Variants in CECR2 observed in about 807,000 individuals in gnomAD.
CECR2 encodes the protein chromatin remodeling regulator CECR2.
A neutral mutation model predicts 154.5 loss-of-function variants in CECR2; 30 were observed. That is an observed-to-expected ratio of 0.19 (90% CI 0.15 to 0.26). CECR2 has a LOEUF of 0.26. Ranked by LOEUF, CECR2 falls within the 10% of genes least tolerant of loss-of-function variation. The pLI is 1.00. For synonymous variants in CECR2, 725 were observed against 683.7 expected, an observed-to-expected ratio of 1.06 and a Z score of -0.94; for missense variants, 1,743 against 1,829.3, an observed-to-expected ratio of 0.95 and a Z score of 0.86.
intron 1 of CECR2, among the ~76,000 whole-genome samples, chr22:17,471,769 A>C (rs1390948499): frequency 6.6e-6 from 1 of 152,080 alleles, no homozygotes; most frequent in Admixed American, 6.5e-5. Flanking sequence ...TCCTGACCTC[A>C]GGTGATCCAC....
At chr22:17,382,405 A>G (rs2146477715) in intron 1 of CECR2, among the ~76,000 whole-genome samples, 2 of 152,260 alleles carry the variant, frequency 1.3e-5, no homozygotes, top group South Asian at 4.1e-4. Context: ...CTGGAAGAAG[A>G]AAGACTAGTT....
chr22:17,550,921 A>G (rs377668914), intron 17 of CECR2, among the ~76,000 whole-genome samples: 7 of 152,228 alleles, frequency 4.6e-5, no homozygotes, highest in South Asian at 2.1e-4. Context: ...CAGCCTGGGC[A>G]ACAGAGCAAG....
intron 1 of CECR2, among the ~76,000 whole-genome samples, chr22:17,372,074 GTTTC>G: frequency 6.6e-6 from 1 of 152,284 alleles, no homozygotes; most frequent in South Asian, 2.1e-4. Context: ...TGACTCCAGT[GTTTC>G]TTGGAAATGA....
At chr22:17,415,765 A>G (rs1190097905) in intron 1 of CECR2, among the ~76,000 whole-genome samples, 1 of 152,244 alleles carries the variant, frequency 6.6e-6, no homozygotes, top group East Asian at 1.9e-4. Flanking sequence ...GAACTTTAAA[A>G]TGTTGGTTTC....
chr22:17,477,873 A>G (rs2055236869), intron 2 of CECR2, among the ~76,000 whole-genome samples, 191 bp downstream of exon 2: 1 of 152,220 alleles, frequency 6.6e-6, no homozygotes, highest in Non-Finnish European at 1.5e-5. Context: ...TTATTCCATC[A>G]TAATCTTTGA....
At chr22:17,508,029 T>C (rs1282855384) in intron 7 of CECR2, among the ~76,000 whole-genome samples, 1 of 152,196 alleles carries the variant, frequency 6.6e-6, no homozygotes, top group African/African-American at 2.4e-5. Flanking sequence ...CTGATATAGA[T>C]ATCTTTGAAC....
intron 17 of CECR2, among the ~76,000 whole-genome samples, 160 bp from the exon 18 acceptor site, chr22:17,551,871 G>A (rs886352121): frequency 3.3e-5 from 5 of 152,162 alleles, no homozygotes; most frequent in Non-Finnish European, 5.9e-5. Flanking sequence ...GCCACTTACT[G>A]CCCCAGGGGG....
intron 7 of CECR2, among the ~76,000 whole-genome samples, chr22:17,505,384 T>A (rs987543135): frequency 1.3e-5 from 2 of 151,942 alleles, no homozygotes; most frequent in African/African-American, 4.8e-5. Flanking sequence ...TCCTTGTAGC[T>A]CCATTGCCAG....
intron 1 of CECR2, among the ~76,000 whole-genome samples, chr22:17,448,286 G>A (rs1418639362): frequency 6.6e-6 from 1 of 152,140 alleles, no homozygotes; most frequent in East Asian, 1.9e-4. Context: ...TGGGCTAGTA[G>A]GAACAATCAG....
At chr22:17,445,165 G>A (rs181545255) in intron 1 of CECR2, among the ~76,000 whole-genome samples, 1 of 152,232 alleles carries the variant, frequency 6.6e-6, no homozygotes, top group Non-Finnish European at 1.5e-5. Flanking sequence ...TGTAAGGGAA[G>A]CATTATACTT....
chr22:17,545,022 C>T (rs2056589397), intron 16 of CECR2, among the ~76,000 whole-genome samples: 1 of 151,826 alleles, frequency 6.6e-6, no homozygotes, highest in Admixed American at 6.6e-5. Context: ...GGATACATAC[C>T]TGGATTTATT....
chr22:17,419,956 T>G (rs550936472), intron 1 of CECR2: 2 of 164,452 alleles, frequency 1.2e-5, no homozygotes, highest in Admixed American at 6.4e-5. Flanking sequence ...GAACTGGCAC[T>G]TATCTTCTGA....
At chr22:17,507,866 T>C (rs1474742319) in intron 7 of CECR2, among the ~76,000 whole-genome samples, 1 of 152,136 alleles carries the variant, frequency 6.6e-6, no homozygotes, top group Non-Finnish European at 1.5e-5. Flanking sequence ...AAATCTAAAT[T>C]GGGAAGTAGA....
chr22:17,409,864 A>G lies in CECR2; in HGVS notation c.126+39955A>G, dbSNP rs2054038775. On this transcript the variant is annotated intron_variant, in intron 1 of 18. Coordinates refer to ENST00000262608, the MANE Select transcript of CECR2 (RefSeq NM_001290047.2). Reference sequence around the variant, plus strand: ...ATTTACTGAGTGAGTGAATGAATGAAATAAAATTTCCAAAAGCAGGGACTG... The same window carrying G: ...ATTTACTGAGTGAGTGAATGAATGAGATAAAATTTCCAAAAGCAGGGACTG... Among the ~76,000 whole-genome samples the G allele has an allele frequency of 1.8e-5, 2 of 112,422 alleles. 1 individual carries two copies. Among genetic ancestry groups the G allele is most frequent in the Non-Finnish European group, 4.2e-5 (2 of 47,100 alleles). The allele number at this position is 112,422 out of a possible 152,430, so 73.8% of individuals were successfully genotyped here. A position where few individuals can be genotyped will look rare whatever the true frequency, so the allele number is the denominator to read the frequency against.
chr22:17,484,734 C>T (rs1293497272), intron 2 of CECR2, among the ~76,000 whole-genome samples: 2 of 152,022 alleles, frequency 1.3e-5, no homozygotes, highest in Non-Finnish European at 2.9e-5. Flanking sequence ...AAAAATTAGC[C>T]GGGTGTATTG....
At chr22:17,529,356 C>T (rs1315814229) in intron 9 of CECR2, among the ~76,000 whole-genome samples, 1 of 152,054 alleles carries the variant, frequency 6.6e-6, no homozygotes, top group African/African-American at 2.4e-5. Flanking sequence ...GAATTGAGTC[C>T]TACCAGGTAG....
chr22:17,505,491 AC>A (rs2055823345), intron 7 of CECR2, among the ~76,000 whole-genome samples: 1 of 140,024 alleles, frequency 7.1e-6, no homozygotes, highest in South Asian at 2.3e-4. Flanking sequence ...ATGCATGTAC[AC>A]CCTACTTCAT....
At chr22:17,473,558 G>A (rs1460633707) in intron 1 of CECR2, among the ~76,000 whole-genome samples, 4 of 151,026 alleles carry the variant, frequency 2.6e-5, no homozygotes, top group Non-Finnish European at 4.5e-5. Flanking sequence ...AGAAACCTCC[G>A]AATTTTGAAA....
intron 5 of CECR2, among the ~76,000 whole-genome samples, chr22:17,502,672 G>A (rs931577601): frequency 6.6e-6 from 1 of 152,004 alleles, no homozygotes; most frequent in Non-Finnish European, 1.5e-5. Context: ...ACCTGGTGGC[G>A]GGTGCCTATA....
Sources: allele counts gnomAD v4.1 joint callset (sites outside exome capture counted in the v4.1 genomes callset), GRCh38; gene constraint gnomAD v4.1.1; transcripts MANE v1.5; gene names NCBI Gene and HGNC (gene_info 2026-07-23, HGNC 2026-07-21).